The following NR1D1 variants were observed in gnomAD, a reference collection of about 807,000 sequenced individuals.
NR1D1 encodes the protein Rev-ErbAalpha.
Under a neutral mutation model 51.1 loss-of-function variants are expected in NR1D1, and 17 were observed. The observed-to-expected ratio is 0.33, with a 90% CI of 0.23 to 0.50. NR1D1 has a LOEUF of 0.50. Ranked by LOEUF, NR1D1 falls within the 20% of genes least tolerant of loss-of-function variation. The pLI is 0.98. For synonymous variants in NR1D1, 341 were observed against 333.4 expected, an observed-to-expected ratio of 1.02 and a Z score of -0.25; for missense variants, 647 against 830.4, an observed-to-expected ratio of 0.78 and a Z score of 2.71.
chr17:40,096,418 G>A, intron 4 of NR1D1, 25 bp downstream of exon 4: 2 of 1,613,908 alleles, frequency 1.2e-6, no homozygotes, highest in Non-Finnish European at 8.5e-7. Flanking sequence ...GAAGAAGGGG[G>A]GAGGATGTGG....
intron 1 of NR1D1, among the ~76,000 whole-genome samples, chr17:40,097,848 C>G (rs1472557940): frequency 2.0e-5 from 3 of 152,094 alleles, no homozygotes; most frequent in Admixed American, 6.6e-5. Context: ...GACCATGGAC[C>G]ATGGAGAGAT....
In NR1D1 at chr17:40,093,125, C is replaced by T. The variant is rs1221856217; in HGVS notation, c.1803G>A (p.Met601Ile). 6.2e-7 allele frequency: 1 copy of T among 1,614,118 alleles called. No individual in the cohort carries two copies. Among genetic ancestry groups the T allele is most frequent in the Non-Finnish European group, 8.5e-7 (1 of 1,180,028 alleles). Residue 601 changes from methionine (M) to isoleucine (I), a missense_variant, in exon 8 of 8, where the codon ATG (methionine) becomes ATA (isoleucine). Around this residue, in one of 7 missense-constraint regions of NR1D1, gnomAD observed 155 missense variants for 236.8 expected, o/e 0.65. Coordinates refer to ENST00000246672, the MANE Select transcript of NR1D1 (RefSeq NM_021724.5). The surrounding 1 kb of genome is among the most constrained non-coding windows in gnomAD (Gnocchi z 5.9). ...GGAAGGACAGCAGCTTCTCGGAATG[C>T]ATGTTGTTCAGGGTCCGCAGGTCCG... ...KLPDLRTLNNMHSEKLLSFRV... is the reference protein window; with the variant it reads ...KLPDLRTLNNIHSEKLLSFRV...
chr17:40,096,289 G>C (rs1170730136), intron 4 of NR1D1, among the ~76,000 whole-genome samples, 154 bp downstream of exon 4: 1 of 149,902 alleles, frequency 6.7e-6, no homozygotes, highest in South Asian at 2.1e-4. Context: ...TGGGATAGAA[G>C]TATATGTTGA....
chr17:40,097,470 C>T, intron 1 of NR1D1, 67 bp from the exon 2 acceptor site: 1 of 1,301,332 alleles, frequency 7.7e-7, no homozygotes, highest in South Asian at 1.3e-5. Context: ...TGCCACTGTG[C>T]TCATCCCCAC....
intron 4 of NR1D1, 25 bp from the exon 5 acceptor site, chr17:40,096,112 A>G (rs752015366): frequency 3.1e-6 from 5 of 1,606,020 alleles, no homozygotes; most frequent in African/African-American, 2.7e-5. Flanking sequence ...GAACAGCATC[A>G]GGAAGTTCTC....
intron 2 of NR1D1, 45 bp downstream of exon 2, chr17:40,097,020 C>T: frequency 6.5e-7 from 1 of 1,534,166 alleles, no homozygotes; most frequent in Non-Finnish European, 8.8e-7. Context: ...CCAATCTGGC[C>T]CTGGCCTGCT....
At chr17:40,099,507 G>C (rs1386644619) in intron 1 of NR1D1, among the ~76,000 whole-genome samples, 3 of 152,072 alleles carry the variant, frequency 2.0e-5, no homozygotes, top group African/African-American at 7.2e-5. Context: ...GCCCTCCCTC[G>C]GGCCGGGCAC....
rs1199901901 is a variant in NR1D1, at chr17:40,096,721, G to A, written c.429C>T (p.His143=). 1.9e-6 allele frequency: 3 copies of A among 1,614,208 alleles called. No homozygotes were observed. In the East Asian group the frequency reaches 6.7e-5, roughly 36 times the overall value. The change falls in exon 3 of 8, where the codon CAC becomes CAT. Residue 143 remains histidine, a synonymous_variant. Coordinates refer to ENST00000246672, the MANE Select transcript of NR1D1 (RefSeq NM_021724.5). ...AGCCCTCGCAGGCGTGCACACCGTA[G>A]TGGAAGCCCGAGGCAACGTCCCCAC... ...KVCGDVASGF[H]YGVHACEGCK...
In NR1D1 at chr17:40,092,927, CAAG is replaced by C; in HGVS notation, c.*153_*155del. 7 of 1,505,386 alleles carry C rather than the reference CAAG, an allele frequency of 4.6e-6. No homozygotes were observed. The highest frequency in any genetic ancestry group is 5.3e-6 in the Non-Finnish European group (6 of 1,126,154). The allele number at this position is 1,505,386 out of a possible 1,614,324, so 93.3% of individuals were successfully genotyped here. ...GATGGGGGAGGGAGGCAGGTATTTA[CAAG>C]AAGGCTCAGGGGGCCAGAGGCTCAT... On this transcript the variant is annotated 3_prime_UTR_variant, in exon 8 of 8. Coordinates refer to ENST00000246672, the MANE Select transcript of NR1D1 (RefSeq NM_021724.5).
rs2145107107 is a variant in NR1D1 at position 40,100,172 on chromosome 17, T to C, written c.-78A>G. The C allele has an allele frequency of 2.6e-6, 3 of 1,137,378 alleles. No individual in the cohort carries two copies. Among genetic ancestry groups the C allele is most frequent in the South Asian group, 2.5e-5 (2 of 81,036 alleles). The allele number at this position is 1,137,378 out of a possible 1,614,324, so 70.5% of individuals were successfully genotyped here. On this transcript the variant is annotated 5_prime_UTR_variant, in exon 1 of 8. Coordinates refer to ENST00000246672, the MANE Select transcript of NR1D1 (RefSeq NM_021724.5). Reference sequence around the variant, plus strand: ...GGTTGCGATCGCCGCTGTTGCCCCCTGGGCACTGGCTAAGGGCGGGGAGTG... The same window carrying C: ...GGTTGCGATCGCCGCTGTTGCCCCCCGGGCACTGGCTAAGGGCGGGGAGTG...
intron 1 of NR1D1, among the ~76,000 whole-genome samples, chr17:40,099,012 G>GT (rs1987819395): frequency 6.6e-6 from 1 of 152,004 alleles, no homozygotes; most frequent in East Asian, 1.9e-4. Flanking sequence ...TTGGTGATGG[G>GT]GGAGGGGGCC....
At chr17:40,096,406 C>T (rs759739738) in intron 4 of NR1D1, 37 bp downstream of exon 4, 15 of 1,612,828 alleles carry the variant, frequency 9.3e-6, no homozygotes, top group East Asian at 2.2e-5. Flanking sequence ...AAACTTTGGG[C>T]GGAAGAAGGG....
chr17:40,095,398 G>C (rs1987732164), intron 5 of NR1D1, 46 bp downstream of exon 5: 2 of 1,508,762 alleles, frequency 1.3e-6, no homozygotes, highest in Non-Finnish European at 1.8e-6. Flanking sequence ...ATTCTGCCAG[G>C]CCCCCCCAAT....
intron 5 of NR1D1, 147 bp downstream of exon 5, chr17:40,095,297 G>A: frequency 8.3e-7 from 1 of 1,198,444 alleles, no homozygotes; most frequent in Non-Finnish European, 1.1e-6. Context: ...CCCAGGCAGA[G>A]TCCAGACTGC....
chr17:40,096,977 CTGGCAAGA>C, intron 2 of NR1D1, 80 bp downstream of exon 2: 1 of 1,353,712 alleles, frequency 7.4e-7, no homozygotes, highest in South Asian at 1.3e-5. Flanking sequence ...AGAATAGGTC[CTGGCAAGA>C]CTGGTGTCAC....
intron 1 of NR1D1, among the ~76,000 whole-genome samples, chr17:40,098,239 C>T (rs2071427): frequency 0.42 from 63,116 of 152,054 alleles, 16,284 homozygotes; most frequent in African/African-American, 0.73. Context: ...GCCACACCTC[C>T]GGCAAGCACC....
chr17:40,100,041 T>G, intron 1 of NR1D1, 23 bp downstream of exon 1: 1 of 1,573,388 alleles, frequency 6.4e-7, no homozygotes, highest in Non-Finnish European at 8.7e-7. Flanking sequence ...AGGGAAAAGA[T>G]GATAGTAAAG....
At chr17:40,094,833 G>A (rs755354134) in intron 6 of NR1D1, 102 bp downstream of exon 6, 19 of 1,078,532 alleles carry the variant, frequency 1.8e-5, no homozygotes, top group Non-Finnish European at 2.3e-5. Context: ...AGGAGGTGGA[G>A]GTTGCAGTGA....
rs202246593 is a variant in NR1D1, at chr17:40,095,090, G to A, written c.1279C>T (p.Arg427Cys). ...ACPMNMYPHG[R>C]SGRTVQEIWE... is the part of the protein sequence containing the mutation. The stretch of plus-strand genomic sequence containing the variant: ...ATCTCCTGCACCGTTCGCCCACTGC[G>A]TCCATGCGGGTACATGTTCATAGGA... The change falls in exon 6 of 8, where the codon CGC becomes TGC. Residue 427 changes from arginine (R) to cysteine (C), a missense_variant. Arg to Cys is a radical substitution (Grantham distance 180). Around this residue, in one of 7 missense-constraint regions of NR1D1, gnomAD observed 185 missense variants for 176.3 expected, o/e 1.05. Transcript: ENST00000246672. 1.5e-5 allele frequency: 25 copies of A among 1,613,696 alleles called. No individual in the cohort carries two copies. The highest frequency in any genetic ancestry group is 3.3e-5 in the Admixed American group (2 of 59,992).
Sources: allele counts gnomAD v4.1 joint callset (sites outside exome capture counted in the v4.1 genomes callset), GRCh38; gene constraint gnomAD v4.1.1; regional missense constraint gnomAD v4.1.1; non-coding constraint Gnocchi (gnomAD v3.1); transcripts MANE v1.5; gene names NCBI Gene and HGNC (gene_info 2026-07-23, HGNC 2026-07-21).